The following SIGLEC14 variants were observed in gnomAD, a reference collection of about 807,000 sequenced individuals.
SIGLEC14 encodes sialic acid binding Ig like lectin 14.
SIGLEC14 carries 11 observed loss-of-function variants against 34.2 expected under a neutral mutation model. That is an observed-to-expected ratio of 0.32 (90% CI 0.20 to 0.53). The LOEUF (loss-of-function observed/expected upper bound fraction) is 0.53. SIGLEC14 is among the 20% of genes least tolerant of loss of function. The pLI is 0.95. For synonymous variants in SIGLEC14, 99 were observed against 179.7 expected, an observed-to-expected ratio of 0.55 and a Z score of 3.59; for missense variants, 264 against 439.0, an observed-to-expected ratio of 0.60 and a Z score of 3.56.
rs773832152 is a variant in SIGLEC14, at chr19:51,639,582, C to G, written c.*3773G>C. 2 of 139,218 alleles carry G rather than the reference C, an allele frequency of 1.4e-5. No homozygotes were observed. Among genetic ancestry groups the G allele is most frequent in the Non-Finnish European group, 3.1e-5 (2 of 64,940 alleles). The allele number at this position is 139,218 out of a possible 1,614,324, so 8.6% of individuals were successfully genotyped here. ...TGTCTGGAGAGAATTATTTGCTTCC[C>G]AGATAGTATCTTTTCGTGGTATCCT... On this transcript the variant is annotated 3_prime_UTR_variant, in exon 7 of 7. Coordinates refer to ENST00000360844, the MANE Select transcript of SIGLEC14 (RefSeq NM_001098612.3).
Position 51,643,601 on chromosome 19 carries a change from T to C in SIGLEC14, c.1084A>G (p.Arg362Gly), listed in dbSNP as rs767218781. Residue 362 changes from arginine to glycine, a missense_variant, in exon 6 of 7, where the codon AGG (arginine) becomes GGG (glycine). Around this residue, in one of 5 missense-constraint regions of SIGLEC14, gnomAD observed 149 missense variants for 184.4 expected, o/e 0.81. Transcript: ENST00000360844. ...AAGCCAGCCCCCATGAGAGCCCCCCTGATCAGGGTGAGGACGAGGGGCCAG... is the reference window on the plus strand; with the variant it reads ...AAGCCAGCCCCCATGAGAGCCCCCCCGATCAGGGTGAGGACGAGGGGCCAG... The part of the protein sequence containing the change: ...GSWPLVLTLI[R>G]GALMGAGFLL... 6.5e-7 allele frequency: 1 copy of C among 1,530,016 alleles called. No homozygotes were observed. The highest frequency in any genetic ancestry group is 8.8e-7 in the Non-Finnish European group (1 of 1,140,382). 94.8% of individuals were successfully genotyped at this position (1,530,016 alleles called of 1,614,324 possible).
Position 51,646,286 on chromosome 19 carries a change from T to C in SIGLEC14, c.392A>G (p.Gln131Arg), listed in dbSNP as rs761611285. ...ERGRDVKYSYQQNKLNLEVTA... is the reference protein window; with the variant it reads ...ERGRDVKYSYRQNKLNLEVTA... ...CACCTCCAAGTTCAGCTTATTCTGT[T>C]GGTAGCTATATTTTACATCCCTTCC... The change falls in exon 2 of 7, where the codon CAA becomes CGA. Residue 131 changes from glutamine (Q) to arginine (R), a missense_variant. Physicochemically the swap from Gln to Arg is conservative, Grantham distance 43. Transcript: ENST00000360844. 1.8e-5 allele frequency: 26 copies of C among 1,415,728 alleles called. 6 individuals are homozygous for C. In the South Asian group the frequency reaches 3.5e-4, roughly 19 times the overall value. The allele number at this position is 1,415,728 out of a possible 1,614,324, so 87.7% of individuals were successfully genotyped here.
At position 51,644,369 on chromosome 19, in the gene SIGLEC14, C is replaced by T. The variant is rs1253193724; in HGVS notation, c.755-333G>A. On this transcript the variant is annotated intron_variant, in intron 4 of 6. Transcript: ENST00000360844. ...GGGAGGACCCAGAGCTCCCAAGACA[C>T]GATAATGGAGGTAGAAGCAGGCTCA... Among the ~76,000 whole-genome samples, 5 of 137,036 alleles carry T rather than the reference C, an allele frequency of 3.6e-5. 1 individual carries two copies. Among genetic ancestry groups the T allele is most frequent in the African/African-American group, 1.1e-4 (4 of 35,798 alleles). The allele number at this position is 137,036 out of a possible 152,430, so 89.9% of individuals were successfully genotyped here.
In SIGLEC14 at chr19:51,643,023, CA is replaced by C. The variant is rs55916485; in HGVS notation, c.*331del. The C allele has an allele frequency of 0.013, 1,306 of 97,548 alleles. No homozygotes were observed. The highest frequency in any genetic ancestry group is 0.025 in the Middle Eastern group (7 of 276). The allele number at this position is 97,548 out of a possible 1,614,324, so 6.0% of individuals were successfully genotyped here. On this transcript the variant is annotated 3_prime_UTR_variant, in exon 7 of 7. Transcript: ENST00000360844. ...TGTGCAACAGAGTGAGACTCTGTCT[CA>C]AAAAAAAAAAAAAAAAAAAAAGGTA...
chr19:51,641,231 G>T lies in SIGLEC14; in HGVS notation c.*2124C>A, dbSNP rs538496905. 1.4e-5 allele frequency among the ~76,000 whole-genome samples: 2 copies of T among 138,322 alleles called. No individual in the cohort carries two copies. Among genetic ancestry groups the T allele is most frequent in the Admixed American group, 7.0e-5 (1 of 14,358 alleles). 90.7% of individuals were successfully genotyped at this position (138,322 alleles called of 152,430 possible). On this transcript the variant is annotated 3_prime_UTR_variant, in exon 7 of 7. Transcript: ENST00000360844. The stretch of plus-strand genomic sequence containing the variant: ...TATGTCTAATTGCCATTTAATATTC[G>T]TCCCATAACAGGGCAATACACATTC...
chr19:51,645,146 G>A (rs1984004346), intron 4 of SIGLEC14, among the ~76,000 whole-genome samples: 1 of 139,104 alleles, frequency 7.2e-6, no homozygotes, highest in Non-Finnish European at 1.5e-5. Flanking sequence ...GATAAAAGGA[G>A]CTCTGCAGTT....
chr19:51,643,605 C>T lies in SIGLEC14; in HGVS notation c.1080G>A (p.Leu360=), dbSNP rs752452325. 24 of 1,530,502 alleles carry T rather than the reference C, an allele frequency of 1.6e-5. 4 individuals carry two copies. The South Asian group carries it at 2.8e-4, about 18-fold the overall frequency. The allele number at this position is 1,530,502 out of a possible 1,614,324, so 94.8% of individuals were successfully genotyped here. Residue 360 remains leucine (L), a synonymous_variant, in exon 6 of 7, where the codon CTG becomes CTA. Transcript: ENST00000360844. ...QQGSWPLVLT[L]IRGALMGAGF... ...CAGCCCCCATGAGAGCCCCCCTGAT[C>T]AGGGTGAGGACGAGGGGCCAGGAGC...
chr19:51,645,426 G>A (rs1984009779), intron 4 of SIGLEC14, 51 bp downstream of exon 4: 1 of 1,449,766 alleles, frequency 6.9e-7, no homozygotes, highest in Non-Finnish European at 9.4e-7. Flanking sequence ...TGAACCCTGA[G>A]CTAATAGAAG....
Position 51,642,282 on chromosome 19 carries a change from G to T in SIGLEC14, c.*1073C>A, listed in dbSNP as rs34197373. Among the ~76,000 whole-genome samples, 1 of 138,306 alleles carries T rather than the reference G, an allele frequency of 7.2e-6. No individual in the cohort carries two copies. Among genetic ancestry groups the T allele is most frequent in the South Asian group, 2.4e-4 (1 of 4,090 alleles). 90.7% of individuals were successfully genotyped at this position (138,306 alleles called of 152,430 possible). On this transcript the variant is annotated 3_prime_UTR_variant, in exon 7 of 7. Transcript: ENST00000360844. ...ATGAGCTATTGATACGTGTAACAAC[G>T]TGGATAAACTGGGAAAACCACACTG...
Position 51,643,379 on chromosome 19 carries a change from C to T in SIGLEC14, c.1167G>A (p.Gln389=). ...CTCAGCCAGGCCTCTCAGCCCTGCTCTGCTGGGGGCCTCCACACCTGCAGA... is the reference window on the plus strand; with the variant it reads ...CTCAGCCAGGCCTCTCAGCCCTGCTTTGCTGGGGGCCTCCACACCTGCAGA... ...IYYTRCGGPQ[Q]SRAERPG Residue 389 remains glutamine (Q), a synonymous_variant, in exon 7 of 7, where the codon CAG becomes CAA. Transcript: ENST00000360844. 1 of 1,518,790 alleles carries T rather than the reference C, an allele frequency of 6.6e-7. No individual in the cohort carries two copies. Among genetic ancestry groups the T allele is most frequent in the Non-Finnish European group, 8.8e-7 (1 of 1,135,922 alleles). 94.1% of individuals were successfully genotyped at this position (1,518,790 alleles called of 1,614,324 possible).
rs779952773 is a variant in SIGLEC14, at chr19:51,646,210, CG to C, written c.421+46del. 4.2e-6 allele frequency: 6 copies of C among 1,420,476 alleles called. 1 individual carries two copies. In the Admixed American group the frequency reaches 1.1e-4, roughly 26 times the overall value. 88.0% of individuals were successfully genotyped at this position (1,420,476 alleles called of 1,614,324 possible). A position where few individuals can be genotyped will look rare whatever the true frequency, so the allele number is the denominator to read the frequency against. ...CCCAACTCCTGTCCCTGTTCTCATA[CG>C]GGGGTCTCCACGTCCCAGGGTCCTC... On this transcript the variant is annotated intron_variant, in intron 2 of 6. Coordinates refer to ENST00000360844, the MANE Select transcript of SIGLEC14 (RefSeq NM_001098612.3).
rs748264175 is a variant in SIGLEC14, at chr19:51,646,385, T to C, written c.293A>G (p.Lys98Arg). Residue 98 changes from lysine to arginine, a missense_variant, in exon 2 of 7, where the codon AAG becomes AGG. By Grantham distance (26) the Lys-to-Arg change is conservative. Transcript: ENST00000360844. ...GRFRLLGDVQ[K>R]KNCSLSIGDA... ...TCCGATGCTCAGGGAGCAGTTCTTCTTCTGGACATCCCCAAGGAGGCGGAA... is the reference window on the plus strand; with the variant it reads ...TCCGATGCTCAGGGAGCAGTTCTTCCTCTGGACATCCCCAAGGAGGCGGAA... 7.8e-6 allele frequency: 9 copies of C among 1,158,764 alleles called. No individual in the cohort carries two copies. The highest frequency in any genetic ancestry group is 9.2e-6 in the Non-Finnish European group (8 of 869,042). 71.8% of individuals were successfully genotyped at this position (1,158,764 alleles called of 1,614,324 possible).
rs758381140 is a variant in SIGLEC14, at chr19:51,641,780, G to A, written c.*1575C>T. Among the ~76,000 whole-genome samples the A allele has an allele frequency of 2.6e-4, 36 of 138,826 alleles. 4 individuals are homozygous for A. Among genetic ancestry groups the A allele is most frequent in the Admixed American group, 6.9e-4 (10 of 14,456 alleles). The allele number at this position is 138,826 out of a possible 152,430, so 91.1% of individuals were successfully genotyped here. On this transcript the variant is annotated 3_prime_UTR_variant, in exon 7 of 7. Transcript: ENST00000360844. ...TACATAGAGGTGAGCAACACACACT[G>A]GGGCCTTTCAAAGGGTGGAAGGTGG...
intron 6 of SIGLEC14, 58 bp downstream of exon 6, chr19:51,643,479 G>GGGGGGGGGGGGGGCACCCA: frequency 7.7e-7 from 1 of 1,296,398 alleles, no homozygotes; most frequent in Non-Finnish European, 1.0e-6. Context: ...CCTGGGGCAG[G>GGGGGGGGGGGGGGCACCCA]ACAGCTCAGC....
In SIGLEC14 at chr19:51,643,802, A is replaced by G. The variant is rs1233202522; in HGVS notation, c.989T>C (p.Leu330Pro). Residue 330 changes from leucine to proline, a missense_variant, in exon 5 of 7, where the codon CTG (leucine) becomes CCG (proline). By Grantham distance (98) the Leu-to-Pro change is moderately conservative. Coordinates refer to ENST00000360844, the MANE Select transcript of SIGLEC14 (RefSeq NM_001098612.3). ...ACTCTGCACAGAAAGGATGAAGGACAGGTGCTGGGAGCCCAGCGGATGCTG... is the reference window on the plus strand; with the variant it reads ...ACTCTGCACAGAAAGGATGAAGGACGGGTGCTGGGAGCCCAGCGGATGCTG... Reference protein sequence around the residue: ...RVQHPLGSQHLSFILSVQRSS... With the variant: ...RVQHPLGSQHPSFILSVQRSS... 7 of 1,523,340 alleles carry G rather than the reference A, an allele frequency of 4.6e-6. 2 individuals carry two copies. In the African/African-American group the frequency reaches 5.9e-5, roughly 13 times the overall value. 94.4% of individuals were successfully genotyped at this position (1,523,340 alleles called of 1,614,324 possible).
rs1439682347 is a variant in SIGLEC14, at chr19:51,642,239, AC to A, written c.*1115del. On this transcript the variant is annotated 3_prime_UTR_variant, in exon 7 of 7. Transcript: ENST00000360844. ...CTGTACGATATTAAAAGCAAAAAAA[AC>A]CCCACCAAAACTGAGAATGAGCTAT... 1.4e-5 allele frequency among the ~76,000 whole-genome samples: 2 copies of A among 139,310 alleles called. No homozygotes were observed. The highest frequency in any genetic ancestry group is 5.5e-5 in the African/African-American group (2 of 36,670). 91.4% of individuals were successfully genotyped at this position (139,310 alleles called of 152,430 possible). A position where few individuals can be genotyped will look rare whatever the true frequency, so the allele number is the denominator to read the frequency against.
Position 51,641,943 on chromosome 19 carries a change from TA to T in SIGLEC14, c.*1411del, listed in dbSNP as rs56218527. 1.6e-4 allele frequency among the ~76,000 whole-genome samples: 22 copies of T among 136,634 alleles called. 3 individuals are homozygous for T. The highest frequency in any genetic ancestry group is 2.9e-4 in the Non-Finnish European group (19 of 64,504). The allele number at this position is 136,634 out of a possible 152,430, so 89.6% of individuals were successfully genotyped here. A position where few individuals can be genotyped will look rare whatever the true frequency, so the allele number is the denominator to read the frequency against. On this transcript the variant is annotated 3_prime_UTR_variant, in exon 7 of 7. Transcript: ENST00000360844. ...ACTTGTGCCCCCTGAACTTAAAAGT[TA>T]AAAAAAATCATATCAAGCATGTGTA...
At position 51,645,329 on chromosome 19, in the gene SIGLEC14, T is replaced by C. The variant is rs1176454887; in HGVS notation, c.754+148A>G. Reference sequence around the variant, plus strand: ...AAATACTAGGTCTGTTCGTGCAAGATCTTAGTGACTGGGATTGGGGGGTTG... The same window carrying C: ...AAATACTAGGTCTGTTCGTGCAAGACCTTAGTGACTGGGATTGGGGGGTTG... On this transcript the variant is annotated intron_variant, in intron 4 of 6. Coordinates refer to ENST00000360844, the MANE Select transcript of SIGLEC14 (RefSeq NM_001098612.3). 9.4e-6 allele frequency: 6 copies of C among 641,548 alleles called. 2 individuals carry two copies. Among genetic ancestry groups the C allele is most frequent in the African/African-American group, 4.1e-5 (2 of 49,100 alleles). The allele number at this position is 641,548 out of a possible 1,614,324, so 39.7% of individuals were successfully genotyped here.
chr19:51,643,292 G>A lies in SIGLEC14; in HGVS notation c.*63C>T, dbSNP rs1485838441. 3.6e-6 allele frequency: 5 copies of A among 1,393,406 alleles called. 1 individual carries two copies. The highest frequency in any genetic ancestry group is 4.9e-6 in the Non-Finnish European group (5 of 1,022,236). 86.3% of individuals were successfully genotyped at this position (1,393,406 alleles called of 1,614,324 possible). On this transcript the variant is annotated 3_prime_UTR_variant, in exon 7 of 7. Transcript: ENST00000360844. ...CTTCCAGAAAGAAGCTGACAGTGAT[G>A]TCCTGCATGTGTCCCACAGGGCTAA...
Sources: gnomAD v4.1 joint callset for allele counts (sites outside exome capture counted in the v4.1 genomes callset) on GRCh38, gnomAD v4.1.1 for gene constraint, gnomAD v4.1.1 regional missense constraint, MANE v1.5 for transcripts, NCBI Gene and HGNC (gene_info 2026-07-23, HGNC 2026-07-21) for gene names.